The following CFAP299 variants were observed in gnomAD, a reference collection of about 807,000 sequenced individuals.
CFAP299 encodes cilia- and flagella-associated protein 299.
Under a neutral mutation model 27.0 loss-of-function variants are expected in CFAP299, and 21 were observed. That is an observed-to-expected ratio of 0.78 (90% confidence interval 0.55 to 1.12). The LOEUF (loss-of-function observed/expected upper bound fraction) is 1.12. Among genes scored for constraint, CFAP299 ranks in the 50% most tolerant of loss-of-function variants. The pLI is 0.00. For synonymous variants in CFAP299, 104 were observed against 98.1 expected (o/e 1.06, Z -0.36); for missense variants, 310 against 276.6 (o/e 1.12, Z -0.86).
intron 3 of CFAP299, among the ~76,000 whole-genome samples, chr4:80,634,117 G>A (rs1159778458): frequency 1.3e-5 from 2 of 151,218 alleles, no homozygotes; most frequent in Non-Finnish European, 2.9e-5. Flanking sequence ...CAGAGTAGCA[G>A]GGACTACAGT....
intron 3 of CFAP299, among the ~76,000 whole-genome samples, chr4:80,676,164 T>C (rs991592887): frequency 3.3e-5 from 5 of 152,206 alleles, no homozygotes; most frequent in Admixed American, 1.3e-4. Flanking sequence ...TATTCGGCCA[T>C]CTTGGAATGG....
intron 2 of CFAP299, chr4:80,387,970 G>A: frequency 1.3e-6 from 1 of 755,516 alleles, no homozygotes; most frequent in South Asian, 1.6e-5. Context: ...ACACTGTGGG[G>A]GTGGGGTATA....
Position 80,441,857 on chromosome 4 carries a change from G to A in CFAP299, c.242+78973G>A, listed in dbSNP as rs7694817. 2.3e-3 allele frequency among the ~76,000 whole-genome samples: 346 copies of A among 152,234 alleles called. 2 individuals carry two copies. The highest frequency in any genetic ancestry group is 7.6e-3 in the African/African-American group (314 of 41,536). On this transcript the variant is annotated intron_variant, in intron 2 of 5. Transcript: ENST00000358105. ...CATAGGCTTAAAATAAAGGGATGGA[G>A]GAATATTTACCAAGCAAATGGAAAA...
intron 3 of CFAP299, among the ~76,000 whole-genome samples, chr4:80,623,466 C>A (rs536613529): frequency 5.3e-5 from 8 of 152,252 alleles, no homozygotes; most frequent in Admixed American, 1.3e-4. Context: ...AACTCTTTGG[C>A]AGTCATCACC....
chr4:80,940,264 C>T (rs967237740), intron 4 of CFAP299, among the ~76,000 whole-genome samples: 1 of 152,110 alleles, frequency 6.6e-6, no homozygotes, highest in Non-Finnish European at 1.5e-5. Context: ...TAGTTCCCCC[C>T]AAGACTATTT....
chr4:80,609,270 A>G (rs1056650761), intron 3 of CFAP299, among the ~76,000 whole-genome samples: 3 of 152,130 alleles, frequency 2.0e-5, no homozygotes, highest in South Asian at 4.1e-4. Flanking sequence ...ACTTCCAGTT[A>G]AGTCAAAATA....
At chr4:80,729,018 C>A (rs1194995763) in intron 3 of CFAP299, among the ~76,000 whole-genome samples, 1 of 152,108 alleles carries the variant, frequency 6.6e-6, no homozygotes, top group African/African-American at 2.4e-5. Context: ...TCTCCTTTTC[C>A]CCTGTGAAGT....
chr4:80,331,115 A>G (rs970188374), upstream of CFAP299, among the ~76,000 whole-genome samples: 1 of 152,214 alleles, frequency 6.6e-6, no homozygotes, highest in Non-Finnish European at 1.5e-5. Context: ...TAATAGGTAA[A>G]TGGAAAAAGT....
At chr4:80,386,652 C>T (rs775446973) in intron 2 of CFAP299, 39 of 1,592,160 alleles carry the variant, frequency 2.4e-5, no homozygotes, top group Admixed American at 3.4e-5. Context: ...CCCGTGTGGG[C>T]GCGCAGGTGC....
chr4:80,561,659 G>A (rs1282438915), intron 2 of CFAP299, among the ~76,000 whole-genome samples: 2 of 152,044 alleles, frequency 1.3e-5, no homozygotes, highest in South Asian at 2.1e-4. Context: ...AAATGTGACT[G>A]TCATACTGAA....
At chr4:80,880,787 A>G (rs1385298791) in intron 4 of CFAP299, among the ~76,000 whole-genome samples, 1 of 152,048 alleles carries the variant, frequency 6.6e-6, no homozygotes, top group African/African-American at 2.4e-5. Flanking sequence ...AAAAAGATGA[A>G]ATTTTACTTT....
At chr4:80,337,816 C>G (rs1484330325) in intron 1 of CFAP299, among the ~76,000 whole-genome samples, 1 of 152,064 alleles carries the variant, frequency 6.6e-6, no homozygotes, top group Non-Finnish European at 1.5e-5. Flanking sequence ...GTTGTACTTT[C>G]ATAAAAAGTA....
At chr4:80,551,451 A>G (rs1734507743) in intron 2 of CFAP299, among the ~76,000 whole-genome samples, 1 of 152,168 alleles carries the variant, frequency 6.6e-6, no homozygotes, top group African/African-American at 2.4e-5. Context: ...TAGAGGTAAA[A>G]ATGCATGAGA....
chr4:80,663,265 C>G (rs1334040973), intron 3 of CFAP299, among the ~76,000 whole-genome samples: 1 of 152,082 alleles, frequency 6.6e-6, no homozygotes, highest in Non-Finnish European at 1.5e-5. Flanking sequence ...GGTATTTCTC[C>G]TAATGCTATC....
intron 4 of CFAP299, among the ~76,000 whole-genome samples, chr4:80,891,562 CA>C: frequency 9.0e-6 from 1 of 111,294 alleles, no homozygotes; most frequent in Non-Finnish European, 1.7e-5. Flanking sequence ...GGGAATTGAA[CA>C]ATGAGATCAC....
intron 2 of CFAP299, among the ~76,000 whole-genome samples, chr4:80,547,461 C>T (rs1734290399): frequency 6.6e-6 from 1 of 152,036 alleles, no homozygotes; most frequent in East Asian, 1.9e-4. Context: ...CCATTCTGGA[C>T]ATCAGCAAAG....
chr4:80,434,435 T>G lies in CFAP299; in HGVS notation c.242+71551T>G, dbSNP rs75367880. ...TTCAAAAAGAGGAAATGTTACATCT[T>G]TGCTGCCCTTTCCTCATCCTGCTGC... is the stretch of plus-strand genomic sequence containing the variant. On this transcript the variant is annotated intron_variant, in intron 2 of 5. Transcript: ENST00000358105. 5.9e-3 allele frequency among the ~76,000 whole-genome samples: 901 copies of G among 152,316 alleles called. 8 individuals are homozygous for G. The highest frequency in any genetic ancestry group is 0.02 in the African/African-American group (841 of 41,582).
At chr4:80,510,040 T>C (rs1732219756) in intron 2 of CFAP299, among the ~76,000 whole-genome samples, 1 of 152,180 alleles carries the variant, frequency 6.6e-6, no homozygotes, top group Non-Finnish European at 1.5e-5. Flanking sequence ...TTTAATGCTC[T>C]GTCACCATCT....
At chr4:80,754,308 T>C (rs1725107515) in intron 3 of CFAP299, among the ~76,000 whole-genome samples, 1 of 152,158 alleles carries the variant, frequency 6.6e-6, no homozygotes, top group South Asian at 2.1e-4. Flanking sequence ...GTCTTTCCTT[T>C]GTACTATGTC....
Sources: allele counts gnomAD v4.1 joint callset (sites outside exome capture counted in the v4.1 genomes callset), GRCh38; gene constraint gnomAD v4.1.1; transcripts MANE v1.5; gene names NCBI Gene and HGNC (gene_info 2026-07-23, HGNC 2026-07-21).